The following PKP4 variants were observed in gnomAD, a reference collection of about 807,000 sequenced individuals.
PKP4 encodes plakophilin-4.
In PKP4, 90 loss-of-function variants were observed where a neutral mutation model predicts 145.1. The observed-to-expected ratio is 0.62, with a 90% confidence interval of 0.52 to 0.74. PKP4 has a LOEUF of 0.74. Ranked by LOEUF, PKP4 falls within the 30% of genes least tolerant of loss-of-function variation. PKP4 has a pLI of 0.00. For missense variants in PKP4, 1,340 were observed against 1,482.7 expected (o/e 0.90, Z 1.58); for synonymous variants, 563 against 577.2 (o/e 0.98, Z 0.35).
At chr2:158,587,037 C>T (rs972182229) in intron 3 of PKP4, among the ~76,000 whole-genome samples, 8 of 152,114 alleles carry the variant, frequency 5.3e-5, no homozygotes, top group Admixed American at 2.0e-4. Context: ...GTTTTAATCA[C>T]AGCAAATAAG....
At chr2:158,522,871 G>T (rs1052054898) in intron 1 of PKP4, among the ~76,000 whole-genome samples, 2 of 152,192 alleles carry the variant, frequency 1.3e-5, no homozygotes, top group Non-Finnish European at 2.9e-5. Flanking sequence ...AGGGGTGACG[G>T]ACGCACCTGG....
chr2:158,463,105 T>C (rs926243081), intron 1 of PKP4, among the ~76,000 whole-genome samples: 1 of 152,188 alleles, frequency 6.6e-6, no homozygotes, highest in African/African-American at 2.4e-5. Context: ...GCTTGATAGT[T>C]TGCAGGACAT....
At chr2:158,594,388 A>G (rs2049538841) in intron 3 of PKP4, among the ~76,000 whole-genome samples, 1 of 152,216 alleles carries the variant, frequency 6.6e-6, no homozygotes, top group Non-Finnish European at 1.5e-5. Context: ...AGTTCAAACT[A>G]TAGGCATGTA....
intron 11 of PKP4, among the ~76,000 whole-genome samples, chr2:158,654,623 G>T (rs1053737209): frequency 6.6e-6 from 1 of 152,118 alleles, no homozygotes; most frequent in African/African-American, 2.4e-5. Flanking sequence ...TAAGATGGTG[G>T]TTTCAGCAAC....
intron 21 of PKP4, chr2:158,678,929 T>C: frequency 2.1e-6 from 1 of 479,878 alleles, no homozygotes; most frequent in East Asian, 3.6e-5. Flanking sequence ...TGCCCAGCAG[T>C]GTCCTCTTCC....
Position 158,625,390 on chromosome 2 carries a change from T to C in PKP4, c.1116T>C (p.Tyr372=), listed in dbSNP as rs756747397. 9.9e-6 allele frequency: 16 copies of C among 1,613,898 alleles called. No individual in the cohort carries two copies. In the South Asian group the frequency reaches 1.8e-4, roughly 18 times the overall value. Reference sequence around the variant, plus strand: ...TCGGACAGCAGCAGTATGACATTTATGAGAGGATGGTTCCACCCAGGCCAG... The same window carrying C: ...TCGGACAGCAGCAGTATGACATTTACGAGAGGATGGTTCCACCCAGGCCAG... The part of the protein sequence containing the change: ...EQFGQQQYDI[Y]ERMVPPRPDS... Residue 372 remains tyrosine (Y), a synonymous_variant, in exon 7 of 22, where the codon TAT becomes TAC. Transcript: ENST00000389759.
At chr2:158,467,956 C>T (rs533799384) in intron 1 of PKP4, among the ~76,000 whole-genome samples, 4 of 152,142 alleles carry the variant, frequency 2.6e-5, no homozygotes, top group Non-Finnish European at 5.9e-5. Context: ...TTCCAGGTTG[C>T]TGCGTGTATC....
intron 20 of PKP4, among the ~76,000 whole-genome samples, chr2:158,677,703 G>T (rs1426047872): frequency 6.6e-6 from 1 of 152,032 alleles, no homozygotes; most frequent in Non-Finnish European, 1.5e-5. Flanking sequence ...TTTACTAATC[G>T]ACTGTTGTTA....
At chr2:158,642,036 G>A (rs189317900) in intron 10 of PKP4, among the ~76,000 whole-genome samples, 7 of 151,932 alleles carry the variant, frequency 4.6e-5, no homozygotes, top group Admixed American at 6.6e-5. Context: ...GGTGGGGGGT[G>A]GGGGGCACAG....
At position 158,624,881 on chromosome 2, in the gene PKP4, T is replaced by C; in HGVS notation, c.607T>C (p.Ser203Pro). Residue 203 changes from serine (S) to proline (P), a missense_variant, in exon 7 of 22, where the codon TCA becomes CCA. Physicochemically the swap from Ser to Pro is moderately conservative, Grantham distance 74. Coordinates refer to ENST00000389759, the MANE Select transcript of PKP4 (RefSeq NM_003628.6). ...RAEGQTLVQP[S>P]VANRAMRRVS... is the part of the protein sequence containing the mutation. Reference sequence around the variant, plus strand: ...TTTTTTCCCCCCCTTTCATCAGCCATCAGTAGCCAATCGGGCCATGAGAAG... The same window carrying C: ...TTTTTTCCCCCCCTTTCATCAGCCACCAGTAGCCAATCGGGCCATGAGAAG... 6.3e-7 allele frequency: 1 copy of C among 1,579,868 alleles called. No individual in the cohort carries two copies.
intron 2 of PKP4, among the ~76,000 whole-genome samples, chr2:158,550,012 A>G (rs906199933): frequency 2.0e-5 from 3 of 152,166 alleles, no homozygotes; most frequent in Non-Finnish European, 4.4e-5. Flanking sequence ...GTATTGTCCA[A>G]CATAGGAGGG....
chr2:158,634,888 A>T (rs1044755824), intron 9 of PKP4, among the ~76,000 whole-genome samples: 3 of 77,832 alleles, frequency 3.9e-5, no homozygotes, highest in Non-Finnish European at 1.1e-4. Context: ...GGCCCTGTAG[A>T]CAGCATTTTT....
chr2:158,642,800 A>G, intron 11 of PKP4, 101 bp downstream of exon 11: 3 of 791,866 alleles, frequency 3.8e-6, no homozygotes, highest in Non-Finnish European at 6.1e-6. Context: ...GTTCCAGGTA[A>G]TAGATAATGA....
intron 21 of PKP4, chr2:158,679,468 AATC>A (rs2058286939): frequency 1.3e-5 from 2 of 152,228 alleles, no homozygotes; most frequent in South Asian, 4.1e-4. Flanking sequence ...AATAGACCAG[AATC>A]ATAACTCTGG....
chr2:158,558,469 G>C (rs895749019), intron 2 of PKP4, among the ~76,000 whole-genome samples: 3 of 152,136 alleles, frequency 2.0e-5, no homozygotes, highest in African/African-American at 7.2e-5. Flanking sequence ...GAATGTCAAG[G>C]AGGAAGTCAT....
chr2:158,464,037 G>A (rs1362648550), intron 1 of PKP4, among the ~76,000 whole-genome samples: 4 of 152,186 alleles, frequency 2.6e-5, no homozygotes, highest in African/African-American at 9.7e-5. Context: ...CCAGTCCCCT[G>A]TGCACATTGG....
chr2:158,615,793 T>C (rs1169426311), intron 4 of PKP4, among the ~76,000 whole-genome samples: 1 of 152,194 alleles, frequency 6.6e-6, no homozygotes, highest in South Asian at 2.1e-4. Context: ...TAAAGCAGAG[T>C]TTAAAGTGAA....
intron 2 of PKP4, among the ~76,000 whole-genome samples, chr2:158,543,062 A>G (rs970423126): frequency 6.6e-6 from 1 of 152,128 alleles, no homozygotes; most frequent in African/African-American, 2.4e-5. Flanking sequence ...GTCACTGAAC[A>G]TTTCATCTCA....
chr2:158,545,240 C>G (rs1186448818), intron 2 of PKP4, among the ~76,000 whole-genome samples: 4 of 152,098 alleles, frequency 2.6e-5, no homozygotes, highest in Admixed American at 2.6e-4. Flanking sequence ...CCTCTGTACT[C>G]CCTTCTTTGA....
Sources: allele counts gnomAD v4.1 joint callset (sites outside exome capture counted in the v4.1 genomes callset), GRCh38; gene constraint gnomAD v4.1.1; transcripts MANE v1.5; gene names NCBI Gene and HGNC (gene_info 2026-07-23, HGNC 2026-07-21).